The following EPSTI1 variants were observed in gnomAD, a reference collection of about 807,000 sequenced individuals.
The protein encoded by EPSTI1 is epithelial stromal interaction 1, also known as epithelial-stromal interaction protein 1.
EPSTI1 carries 66 observed loss-of-function variants against 49.9 expected under a neutral mutation model. The ratio of observed to expected loss-of-function variants is 1.32; its 90% CI spans 1.08 to 1.62. EPSTI1 has a LOEUF of 1.62. Ranked by LOEUF, EPSTI1 falls within the 40% of genes most tolerant of loss-of-function variation. The probability of loss-of-function intolerance (pLI) is 0.00; values close to 1 mark genes in which losing one functional copy is unlikely to be tolerated. For missense variants in EPSTI1, 394 were observed against 365.5 expected (o/e 1.08, Z -0.64); for synonymous variants, 137 against 130.7 (o/e 1.05, Z -0.33).
At chr13:42,968,922 AC>A (rs869271513) in intron 3 of EPSTI1, among the ~76,000 whole-genome samples, 171 bp downstream of exon 3, 17 of 67,724 alleles carry the variant, frequency 2.5e-4, no homozygotes, top group Admixed American at 5.2e-4. Flanking sequence ...AAAAAAAAAT[AC>A]ACACACACAC....
At chr13:42,920,938 C>A (rs1244449187) in intron 7 of EPSTI1, among the ~76,000 whole-genome samples, 4 of 151,670 alleles carry the variant, frequency 2.6e-5, no homozygotes. Flanking sequence ...CCAAAAAAAC[C>A]AAATCAGTAA....
In EPSTI1 at chr13:42,928,040, C is replaced by T. The variant is rs111524384; in HGVS notation, c.564-1611G>A. ...CTGACTGCCGCTTCTTACCTGCCAA[C>T]GCCAAGCACAAAGCTGCCTGCAGAG... is the stretch of plus-strand genomic sequence containing the variant. On this transcript the variant is annotated intron_variant, in intron 6 of 10. Coordinates refer to ENST00000313624, the MANE Select transcript of EPSTI1 (RefSeq NM_033255.5). 5.5e-3 allele frequency among the ~76,000 whole-genome samples: 836 copies of T among 152,314 alleles called. 4 individuals carry two copies. The highest frequency in any genetic ancestry group is 9.2e-3 in the Non-Finnish European group (625 of 68,032).
At chr13:42,964,700 C>A (rs1449830576) in intron 3 of EPSTI1, among the ~76,000 whole-genome samples, 3 of 152,150 alleles carry the variant, frequency 2.0e-5, no homozygotes, top group Non-Finnish European at 4.4e-5. Flanking sequence ...GATCATCAAT[C>A]CATACTATTT....
At chr13:42,963,558 CT>C (rs1260710531) in intron 4 of EPSTI1, 5 of 556,434 alleles carry the variant, frequency 9.0e-6, no homozygotes, top group Non-Finnish European at 1.6e-5. Flanking sequence ...CTTGGTCTGT[CT>C]CTTTTTCAAC....
chr13:42,929,679 T>C (rs73470117), intron 6 of EPSTI1, among the ~76,000 whole-genome samples: 3,709 of 152,190 alleles, frequency 0.024, 154 homozygotes, highest in African/African-American at 0.085. Flanking sequence ...AAGGAAGGGA[T>C]GAGGGTGGAG....
chr13:42,947,153 C>T (rs2038940632), intron 6 of EPSTI1, among the ~76,000 whole-genome samples: 1 of 152,158 alleles, frequency 6.6e-6, no homozygotes, highest in Non-Finnish European at 1.5e-5. Flanking sequence ...TGTTGTATTA[C>T]TCAAGAGGTG....
chr13:42,892,319 G>A (rs917403275), intron 10 of EPSTI1, among the ~76,000 whole-genome samples: 4 of 152,218 alleles, frequency 2.6e-5, no homozygotes, highest in Non-Finnish European at 5.9e-5. Context: ...CAGACTGTAG[G>A]TAAGTAATTG....
Position 42,970,787 on chromosome 13 carries a change from A to C in EPSTI1, c.189-117T>G, listed in dbSNP as rs1002828196. On this transcript the variant is annotated intron_variant, in intron 1 of 10. Transcript: ENST00000313624. ...TTATGATCATTACCATCAAATAGGCACTATGAAAGATAATCTTCTTAAGAC... is the reference window on the plus strand; with the variant it reads ...TTATGATCATTACCATCAAATAGGCCCTATGAAAGATAATCTTCTTAAGAC... 11 of 730,992 alleles carry C rather than the reference A, an allele frequency of 1.5e-5. No homozygotes were observed. In the Admixed American group the frequency reaches 3.0e-4, roughly 20 times the overall value. The allele number at this position is 730,992 out of a possible 1,614,324, so 45.3% of individuals were successfully genotyped here.
chr13:42,978,024 G>C (rs1052454865), intron 1 of EPSTI1, among the ~76,000 whole-genome samples: 1 of 151,954 alleles, frequency 6.6e-6, no homozygotes, highest in Admixed American at 6.5e-5. Context: ...GTAGTGGCGG[G>C]CGCCTGTAGT....
chr13:42,938,914 C>CAAAAAAAAAAACAAAAA (rs2038655956), intron 6 of EPSTI1, among the ~76,000 whole-genome samples: 1 of 59,676 alleles, frequency 1.7e-5, no homozygotes, highest in Non-Finnish European at 2.8e-5. Flanking sequence ...GACTCTGTCT[C>CAAAAAAAAAAACAAAAA]AAAAAAAAAA....
Position 42,905,361 on chromosome 13 carries a change from C to T in EPSTI1, c.742-4978G>A, listed in dbSNP as rs75326830. On this transcript the variant is annotated intron_variant, in intron 8 of 10. Coordinates refer to ENST00000313624, the MANE Select transcript of EPSTI1 (RefSeq NM_033255.5). The stretch of plus-strand genomic sequence containing the variant: ...GATTATTATCCTATAACTAGCAAAG[C>T]ATATTTACTAAGGAGAGGCTGGTTT... Among the ~76,000 whole-genome samples, 354 of 152,212 alleles carry T rather than the reference C, an allele frequency of 2.3e-3. 2 individuals carry two copies. Among genetic ancestry groups the T allele is most frequent in the African/African-American group, 8.1e-3 (335 of 41,542 alleles).
At chr13:42,919,174 A>T in intron 7 of EPSTI1, 3 of 761,250 alleles carry the variant, frequency 3.9e-6, no homozygotes, top group South Asian at 2.1e-5. Flanking sequence ...TGACTCAGAA[A>T]AAAGTGGTTA....
rs771128392 is a variant in EPSTI1 at position 42,888,444 on chromosome 13, G to A, written c.*50C>T. ...ATCACATTAAGAAAAAGCATCTCAT[G>A]AGGCTTTTCGAGGTCAGTTGATGAA... On this transcript the variant is annotated 3_prime_UTR_variant, in exon 11 of 11. Coordinates refer to ENST00000313624, the MANE Select transcript of EPSTI1 (RefSeq NM_033255.5). 2.5e-6 allele frequency: 4 copies of A among 1,613,930 alleles called. No homozygotes were observed. In the South Asian group the frequency reaches 3.3e-5, roughly 13 times the overall value.
intron 7 of EPSTI1, chr13:42,919,183 T>C (rs2037923890): frequency 1.2e-6 from 1 of 855,412 alleles, no homozygotes. Context: ...AAAAAGTGGT[T>C]ATTAAATACC....
At chr13:42,908,483 TGAA>T (rs2037564455) in intron 8 of EPSTI1, among the ~76,000 whole-genome samples, 1 of 61,106 alleles carries the variant, frequency 1.6e-5, no homozygotes. Context: ...GACTCTGTTA[TGAA>T]AAAAAAAAAA....
At chr13:42,901,798 G>T (rs1035039476) in intron 8 of EPSTI1, among the ~76,000 whole-genome samples, 10 of 151,682 alleles carry the variant, frequency 6.6e-5, no homozygotes, top group African/African-American at 2.4e-4. Flanking sequence ...TAAGTTTTAG[G>T]GTACATGTGC....
intron 6 of EPSTI1, among the ~76,000 whole-genome samples, chr13:42,942,634 G>A (rs1649861723): frequency 7.5e-6 from 1 of 133,916 alleles, no homozygotes; most frequent in African/African-American, 2.8e-5. Flanking sequence ...AATCCTCCAT[G>A]ATTTTAATTA....
At chr13:42,934,368 G>A (rs79566446) in intron 6 of EPSTI1, 1,809 of 156,230 alleles carry the variant, frequency 0.012, 35 homozygotes, top group African/African-American at 0.04. Flanking sequence ...TTTGACCATC[G>A]TTAGGTTTGG....
At chr13:42,897,867 T>C (rs1250603383) in intron 9 of EPSTI1, among the ~76,000 whole-genome samples, 1 of 152,248 alleles carries the variant, frequency 6.6e-6, no homozygotes, top group East Asian at 1.9e-4. Flanking sequence ...TTAATAGTTT[T>C]AGAAAGTACA....
Sources: gnomAD v4.1 joint callset for allele counts (sites outside exome capture counted in the v4.1 genomes callset) on GRCh38, gnomAD v4.1.1 for gene constraint, MANE v1.5 for transcripts, NCBI Gene and HGNC (gene_info 2026-07-23, HGNC 2026-07-21) for gene names.